Variants in PKD1L1 observed in about 807,000 individuals in gnomAD.
The protein encoded by PKD1L1 is polycystin 1 like 1, transient receptor potential channel interacting, also known as polycystin-1-like protein 1.
Under a neutral mutation model 323.4 loss-of-function variants are expected in PKD1L1, and 236 were observed. The ratio of observed to expected loss-of-function variants is 0.73; its 90% CI spans 0.66 to 0.81. The LOEUF is 0.81. PKD1L1 is among the 40% of genes least tolerant of loss of function. The probability of loss-of-function intolerance (pLI) is 0.00; values close to 1 mark genes in which losing one functional copy is unlikely to be tolerated. For missense variants in PKD1L1, 3,320 were observed against 3,508.0 expected, an observed-to-expected ratio of 0.95 and a Z score of 1.35; for synonymous variants, 1,344 against 1,335.0, an observed-to-expected ratio of 1.01 and a Z score of -0.15.
At position 47,821,134 on chromosome 7, in the gene PKD1L1, C is replaced by A. The variant is rs774450563; in HGVS notation, c.6907G>T (p.Gly2303Trp). The A allele has an allele frequency of 2.5e-6, 4 of 1,610,838 alleles. No homozygotes were observed. The highest frequency in any genetic ancestry group is 3.4e-6 in the Non-Finnish European group (4 of 1,177,064). The change falls in exon 46 of 57, where the codon GGG becomes TGG. Residue 2303 changes from glycine to tryptophan, a missense_variant. Physicochemically the swap from Gly to Trp is radical, Grantham distance 184. Coordinates refer to ENST00000289672, the MANE Select transcript of PKD1L1 (RefSeq NM_138295.5). ...MLLLLLCVIYGRFSQDEYSLN... is the reference protein window; with the variant it reads ...MLLLLLCVIYWRFSQDEYSLN... ...GAGTATTCATCTTGGGAAAATCTCC[C>A]ATATATTACACACAAAAGCAGAAGC...
At chr7:47,815,299 G>A in intron 47 of PKD1L1, 35 bp downstream of exon 47, 1 of 1,604,240 alleles carries the variant, frequency 6.2e-7, no homozygotes, top group Non-Finnish European at 8.5e-7. Flanking sequence ...GCTTTTCTGA[G>A]ATGATCTCCT....
chr7:47,829,650 C>A, intron 43 of PKD1L1, 49 bp from the exon 44 acceptor site: 1 of 1,525,174 alleles, frequency 6.6e-7, no homozygotes, highest in South Asian at 1.3e-5. Context: ...TGTCTGTGTT[C>A]ATTCCACACA....
chr7:47,811,638 G>A (rs930753644), intron 50 of PKD1L1, among the ~76,000 whole-genome samples, 179 bp downstream of exon 50: 1 of 152,158 alleles, frequency 6.6e-6, no homozygotes, highest in Non-Finnish European at 1.5e-5. Flanking sequence ...GGTCTTCTTC[G>A]TCTCATGCCC....
In PKD1L1 at chr7:47,839,676, C is replaced by G. The variant is rs1286276873; in HGVS notation, c.5553-14G>C. The stretch of plus-strand genomic sequence containing the variant: ...TGGGCAGGAGCGCTGGAGGCACACA[C>G]AGCAGCATCTCAGCCGGGTGGGTGA... On this transcript the variant is annotated splice_polypyrimidine_tract_variant and intron_variant, in intron 35 of 56. Coordinates refer to ENST00000289672, the MANE Select transcript of PKD1L1 (RefSeq NM_138295.5). The surrounding 1 kb of genome is among the most constrained non-coding windows in gnomAD (Gnocchi z 4.3). The G allele has an allele frequency of 6.4e-7, 1 of 1,556,710 alleles. No individual in the cohort carries two copies. The highest frequency in any genetic ancestry group is 1.2e-5 in the South Asian group (1 of 84,432).
chr7:47,900,202 AT>A (rs1481867501), intron 13 of PKD1L1, among the ~76,000 whole-genome samples: 6 of 152,164 alleles, frequency 3.9e-5, no homozygotes, highest in Non-Finnish European at 8.8e-5. Flanking sequence ...TAGGATGCCA[AT>A]TTTTAGCTCA....
In PKD1L1 at chr7:47,800,533, A is replaced by G. The variant is rs1784637111; in HGVS notation, c.8193+116T>C. The stretch of plus-strand genomic sequence containing the variant: ...GTGAGCTGGACGGCAGGGATTCATT[A>G]CCATGAGATCTGGCCTGTGTTGCCT... On this transcript the variant is annotated intron_variant, in intron 54 of 56. Coordinates refer to ENST00000289672, the MANE Select transcript of PKD1L1 (RefSeq NM_138295.5). The G allele has an allele frequency of 3.8e-6, 4 of 1,054,170 alleles. No homozygotes were observed. In the Admixed American group the frequency reaches 6.7e-5, roughly 18 times the overall value. 65.3% of individuals were successfully genotyped at this position (1,054,170 alleles called of 1,614,324 possible). A position where few individuals can be genotyped will look rare whatever the true frequency, so the allele number is the denominator to read the frequency against.
At chr7:47,873,836 G>A in intron 24 of PKD1L1, 63 bp downstream of exon 24, 2 of 1,287,110 alleles carry the variant, frequency 1.6e-6, no homozygotes, top group East Asian at 2.3e-5. Flanking sequence ...ACTTGGGGGA[G>A]AGCCAACTCT....
At chr7:47,811,709 G>A in intron 50 of PKD1L1, 108 bp downstream of exon 50, 2 of 809,708 alleles carry the variant, frequency 2.5e-6, no homozygotes, top group Non-Finnish European at 4.0e-6. Context: ...GACCGGAGGG[G>A]CAGGTGAATG....
At chr7:47,855,353 G>T in intron 28 of PKD1L1, 88 bp from the exon 29 acceptor site, 1 of 852,944 alleles carries the variant, frequency 1.2e-6, no homozygotes, top group Non-Finnish European at 1.8e-6. Flanking sequence ...TCGTGGTGCT[G>T]CTATTACACT....
intron 12 of PKD1L1, among the ~76,000 whole-genome samples, chr7:47,903,547 G>T (rs1787137251): frequency 6.6e-6 from 1 of 152,204 alleles, no homozygotes. Context: ...CATAGTTAGT[G>T]ATGGGGCCAT....
chr7:47,910,467 TG>T (rs1215634798), intron 8 of PKD1L1, among the ~76,000 whole-genome samples: 2 of 151,058 alleles, frequency 1.3e-5, no homozygotes, highest in Admixed American at 6.6e-5. Flanking sequence ...CCTGAGTAGC[TG>T]GGACTACAGG....
At chr7:47,818,963 C>A (rs1785083708) in intron 46 of PKD1L1, among the ~76,000 whole-genome samples, 1 of 152,188 alleles carries the variant, frequency 6.6e-6, no homozygotes, top group Admixed American at 6.5e-5. Flanking sequence ...AGTCCGAGCA[C>A]TTGCCAGAGT....
rs756434620 is a variant in PKD1L1, at chr7:47,904,418, C to T, written c.1891G>A (p.Val631Ile). ...CTGCTGGAGCTGCTCCCCAGGCTGA[C>T]GGTGCCATCCCCAAAGTCCCACAGG... is the stretch of plus-strand genomic sequence containing the variant. The part of the protein sequence containing the change: ...AYLWDFGDGT[V>I]SLGSSSSSHV... The change falls in exon 12 of 57, where the codon GTC becomes ATC. Residue 631 changes from valine to isoleucine, a missense_variant. Coordinates refer to ENST00000289672, the MANE Select transcript of PKD1L1 (RefSeq NM_138295.5). The T allele has an allele frequency of 9.9e-6, 16 of 1,614,024 alleles. No individual in the cohort carries two copies. Among genetic ancestry groups the T allele is most frequent in the African/African-American group, 8.0e-5 (6 of 74,922 alleles).
At chr7:47,933,186 CT>C (rs1329688188) in intron 4 of PKD1L1, among the ~76,000 whole-genome samples, 5 of 151,986 alleles carry the variant, frequency 3.3e-5, no homozygotes, top group Non-Finnish European at 5.9e-5. Context: ...ACAATGACCT[CT>C]TGAAGCCACT....
the PKD1L1 span, among the ~76,000 whole-genome samples, chr7:47,954,304 T>TTATG: frequency 2.0e-5 from 3 of 152,314 alleles, no homozygotes; most frequent in East Asian, 3.9e-4. Flanking sequence ...AAGGCTTATG[T>TTATG]TATGGTTTAA....
intron 2 of PKD1L1, among the ~76,000 whole-genome samples, chr7:47,941,202 G>A (rs1583692739): frequency 6.6e-6 from 1 of 152,300 alleles, no homozygotes; most frequent in East Asian, 1.9e-4. Context: ...GCACCCTGCT[G>A]CTTTTCTGTC....
intron 55 of PKD1L1, among the ~76,000 whole-genome samples, chr7:47,794,069 G>A (rs941171051): frequency 6.6e-6 from 1 of 152,192 alleles, no homozygotes; most frequent in Non-Finnish European, 1.5e-5. Flanking sequence ...TTTTAAATGG[G>A]AAATGGAACA....
upstream of PKD1L1, among the ~76,000 whole-genome samples, chr7:47,948,966 A>G (rs1189196262): frequency 1.3e-5 from 2 of 152,166 alleles, no homozygotes; most frequent in Non-Finnish European, 2.9e-5. Flanking sequence ...GAAACAAAAC[A>G]AAACAAAACA....
upstream of PKD1L1, among the ~76,000 whole-genome samples, chr7:47,948,698 C>G (rs1788151845): frequency 6.6e-6 from 1 of 152,202 alleles, no homozygotes; most frequent in Non-Finnish European, 1.5e-5. Context: ...TGGCTCATGT[C>G]TGTAATCCCA....
Sources: allele counts gnomAD v4.1 joint callset (sites outside exome capture counted in the v4.1 genomes callset), GRCh38; gene constraint gnomAD v4.1.1; non-coding constraint Gnocchi (gnomAD v3.1); transcripts MANE v1.5; gene names NCBI Gene and HGNC (gene_info 2026-07-23, HGNC 2026-07-21).